EDAR: variants seen among roughly 807,000 people sequenced by gnomAD.
EDAR encodes the protein tumor necrosis factor receptor superfamily member EDAR.
Under a neutral mutation model 51.3 loss-of-function variants are expected in EDAR, and 38 were observed. The ratio of observed to expected loss-of-function variants is 0.74; its 90% CI spans 0.57 to 0.97. The LOEUF (loss-of-function observed/expected upper bound fraction) is 0.97, where lower values mean the gene tolerates loss of function less well. Ranked by LOEUF, EDAR falls within the 50% of genes least tolerant of loss-of-function variation. The pLI is 0.00. For missense variants in EDAR, 528 were observed against 595.0 expected, an observed-to-expected ratio of 0.89 and a Z score of 1.17; for synonymous variants, 227 against 242.1, an observed-to-expected ratio of 0.94 and a Z score of 0.58.
In EDAR at chr2:108,929,268, A is replaced by G; in HGVS notation, c.286T>C (p.Phe96Leu). The change falls in exon 4 of 12, where the codon TTC becomes CTC. Residue 96 changes from phenylalanine to leucine, a missense_variant. Coordinates refer to ENST00000258443, the MANE Select transcript of EDAR (RefSeq NM_022336.4). ...GGTGTCAGCACGGTGGCCCGGAAGA[A>G]GCCCTCACAGTCTTTGTGACGCCTG... ...ICRRHKDCEG[F>L]FRATVLTPGD... 6.2e-7 allele frequency: 1 copy of G among 1,614,184 alleles called. No individual in the cohort carries two copies. Among genetic ancestry groups the G allele is most frequent in the East Asian group, 2.2e-5 (1 of 44,894 alleles).
rs576070548 is a variant in EDAR, at chr2:108,974,159, C to T, written c.-19+14801G>A. The stretch of plus-strand genomic sequence containing the variant: ...CCTGGCTAACATGGTGAAACCCCGT[C>T]TCTACTAAAAAATACAAAAAATTAG... On this transcript the variant is annotated intron_variant, in intron 1 of 11. Transcript: ENST00000258443. Among the ~76,000 whole-genome samples the T allele has an allele frequency of 2.2e-4, 33 of 151,164 alleles. No homozygotes were observed. In the East Asian group the frequency reaches 5.9e-3, roughly 27 times the overall value.
intron 1 of EDAR, among the ~76,000 whole-genome samples, chr2:108,977,337 C>T (rs1340142456): frequency 6.6e-6 from 1 of 152,186 alleles, no homozygotes; most frequent in Non-Finnish European, 1.5e-5. Context: ...GGCGCGATCT[C>T]GGCTCACTGC....
At chr2:108,911,430 C>A (rs1348790980) in intron 6 of EDAR, among the ~76,000 whole-genome samples, 2 of 152,134 alleles carry the variant, frequency 1.3e-5, no homozygotes, top group South Asian at 4.1e-4. Context: ...GAAGGCAGCA[C>A]AATTCAAGTT....
At position 108,918,573 on chromosome 2, in the gene EDAR, T is replaced by A. The variant is rs186279039; in HGVS notation, c.442+4795A>T. On this transcript the variant is annotated intron_variant, in intron 5 of 11. Transcript: ENST00000258443. Reference sequence around the variant, plus strand: ...GCAAAAATGTCCTCACAAGGCCTATTTTAAAGTGAAAATGAGCGGGGACTG... The same window carrying A: ...GCAAAAATGTCCTCACAAGGCCTATATTAAAGTGAAAATGAGCGGGGACTG... 3.9e-3 allele frequency among the ~76,000 whole-genome samples: 591 copies of A among 152,276 alleles called. 5 individuals carry two copies. Among genetic ancestry groups the A allele is most frequent in the African/African-American group, 0.013 (544 of 41,544 alleles).
At chr2:108,909,404 C>T (rs1415666591) in intron 9 of EDAR, among the ~76,000 whole-genome samples, 2 of 149,338 alleles carry the variant, frequency 1.3e-5, no homozygotes, top group Non-Finnish European at 3.0e-5. Context: ...ACAGGATCTC[C>T]ACACAGATGC....
At chr2:108,953,042 T>C (rs1258881288) in intron 1 of EDAR, among the ~76,000 whole-genome samples, 2 of 152,094 alleles carry the variant, frequency 1.3e-5, no homozygotes, top group Non-Finnish European at 2.9e-5. Context: ...ATGTGGTACA[T>C]GAGATATTTT....
At chr2:108,981,279 C>T (rs1399620042) in intron 1 of EDAR, among the ~76,000 whole-genome samples, 4 of 152,202 alleles carry the variant, frequency 2.6e-5, no homozygotes, top group Non-Finnish European at 4.4e-5. Context: ...CTGCCGCCAG[C>T]ATTCTTTCCA....
intron 1 of EDAR, among the ~76,000 whole-genome samples, chr2:108,949,153 G>T (rs1478371042): frequency 6.6e-6 from 1 of 151,888 alleles, no homozygotes; most frequent in Non-Finnish European, 1.5e-5. Flanking sequence ...AATTTTTTTT[G>T]TAGTTTTTTG....
At chr2:108,943,992 G>A (rs1697663719) in intron 1 of EDAR, among the ~76,000 whole-genome samples, 1 of 152,272 alleles carries the variant, frequency 6.6e-6, no homozygotes, top group Admixed American at 6.5e-5. Context: ...GCATGTGGAA[G>A]TGTTTTGAAT....
chr2:108,926,162 T>C (rs1352835354), intron 4 of EDAR, among the ~76,000 whole-genome samples: 1 of 152,220 alleles, frequency 6.6e-6, no homozygotes, highest in Non-Finnish European at 1.5e-5. Flanking sequence ...GCTGTCTTTT[T>C]CTGCCTGGGC....
chr2:108,987,375 A>G (rs553389514), intron 1 of EDAR, among the ~76,000 whole-genome samples: 1 of 152,320 alleles, frequency 6.6e-6, no homozygotes, highest in Non-Finnish European at 1.5e-5. Context: ...GGGTAAGACC[A>G]GGTCTGTCTG....
At chr2:108,956,548 C>T (rs1415756351) in intron 1 of EDAR, among the ~76,000 whole-genome samples, 2 of 152,214 alleles carry the variant, frequency 1.3e-5, no homozygotes, top group Non-Finnish European at 2.9e-5. Context: ...TGAAATCTGG[C>T]AAGGCACAAG....
intron 5 of EDAR, among the ~76,000 whole-genome samples, chr2:108,921,256 A>T (rs905284076): frequency 2.6e-5 from 4 of 152,068 alleles, no homozygotes; most frequent in Non-Finnish European, 4.4e-5. Context: ...AGACCCTGAC[A>T]CTGACCTGGG....
intron 11 of EDAR, among the ~76,000 whole-genome samples, chr2:108,898,569 A>G (rs60288156): frequency 0.041 from 6,268 of 152,248 alleles, 435 homozygotes; most frequent in African/African-American, 0.14. Context: ...ACCAAGAACC[A>G]AGAAGATGTC....
chr2:108,945,547 A>G (rs1444451449), intron 1 of EDAR, among the ~76,000 whole-genome samples: 1 of 152,204 alleles, frequency 6.6e-6, no homozygotes, highest in Admixed American at 6.5e-5. Flanking sequence ...GCTTGTTGGC[A>G]CTGTCTGCAT....
chr2:108,979,671 T>C (rs762494548), intron 1 of EDAR, among the ~76,000 whole-genome samples: 2 of 151,960 alleles, frequency 1.3e-5, no homozygotes, highest in African/African-American at 4.8e-5. Context: ...AGATTAATCA[T>C]GAAGGATGCA....
chr2:108,935,266 C>T (rs1697445036), intron 1 of EDAR, among the ~76,000 whole-genome samples: 1 of 152,164 alleles, frequency 6.6e-6, no homozygotes, highest in Non-Finnish European at 1.5e-5. Context: ...GACTACTGAG[C>T]TCAGACCCCA....
At chr2:108,959,057 G>C (rs891456028) in intron 1 of EDAR, among the ~76,000 whole-genome samples, 6 of 152,238 alleles carry the variant, frequency 3.9e-5, no homozygotes, top group Non-Finnish European at 7.3e-5. Context: ...TGCTTAGAAA[G>C]TGGGTTAGAG....
At chr2:108,961,573 G>A (rs1698046270) in intron 1 of EDAR, among the ~76,000 whole-genome samples, 1 of 152,166 alleles carries the variant, frequency 6.6e-6, no homozygotes. Context: ...GGTTATGGAC[G>A]TTCTGCAAAA....
Sources: gnomAD v4.1 joint callset for allele counts (sites outside exome capture counted in the v4.1 genomes callset) on GRCh38, gnomAD v4.1.1 for gene constraint, MANE v1.5 for transcripts, NCBI Gene and HGNC (gene_info 2026-07-23, HGNC 2026-07-21) for gene names.